Variants in KCND2 observed in about 807,000 individuals in gnomAD.
KCND2 encodes the protein potassium voltage-gated channel subfamily D member 2.
Under a neutral mutation model 54.4 loss-of-function variants are expected in KCND2, and 16 were observed. The ratio of observed to expected loss-of-function variants is 0.29; its 90% CI spans 0.20 to 0.45. The LOEUF is 0.45. KCND2 is among the 20% of genes least tolerant of loss of function. The pLI is 1.00. For missense variants in KCND2, 486 were observed against 824.2 expected (o/e 0.59, Z 5.02); for synonymous variants, 317 against 310.7 (o/e 1.02, Z -0.21).
At chr7:120,712,241 A>ATTTTTTTTTTTTTTTTTTTTTTT in intron 1 of KCND2, among the ~76,000 whole-genome samples, 1 of 34,762 alleles carries the variant, frequency 2.9e-5, no homozygotes, top group Non-Finnish European at 5.3e-5. Flanking sequence ...GGATATCTGA[A>ATTTTTTTTTTTTTTTTTTTTTTT]TTTTTTTTTT....
intron 1 of KCND2, among the ~76,000 whole-genome samples, chr7:120,444,262 A>G (rs539643965): frequency 9.9e-5 from 15 of 152,170 alleles, no homozygotes; most frequent in South Asian, 4.1e-4. Flanking sequence ...TGGAAGGACA[A>G]CACCTCCCTC....
At chr7:120,658,505 CTTGT>C (rs987054403) in intron 1 of KCND2, among the ~76,000 whole-genome samples, 4 of 152,144 alleles carry the variant, frequency 2.6e-5, no homozygotes, top group Non-Finnish European at 5.9e-5. Flanking sequence ...AAGAACCAAA[CTTGT>C]TTGTTTTCAA....
chr7:120,418,271 A>G (rs889049078), intron 1 of KCND2, among the ~76,000 whole-genome samples: 6 of 152,194 alleles, frequency 3.9e-5, no homozygotes, highest in Non-Finnish European at 5.9e-5. Flanking sequence ...TCATTGTGAT[A>G]ATGAAGAAAG....
intron 1 of KCND2, among the ~76,000 whole-genome samples, chr7:120,440,459 G>A (rs113433724): frequency 5.9e-5 from 9 of 152,082 alleles, no homozygotes; most frequent in African/African-American, 2.2e-4. Context: ...TTTGTTGATT[G>A]TTCTATTTGC....
intron 1 of KCND2, among the ~76,000 whole-genome samples, chr7:120,539,547 A>C (rs1297536909): frequency 6.6e-6 from 1 of 152,170 alleles, no homozygotes; most frequent in East Asian, 1.9e-4. Context: ...CCCTCCTGGA[A>C]TTGACAAGGT....
At chr7:120,375,611 A>G (rs1800825810) in intron 1 of KCND2, among the ~76,000 whole-genome samples, 1 of 151,834 alleles carries the variant, frequency 6.6e-6, no homozygotes, top group African/African-American at 2.4e-5. Flanking sequence ...AGATAAAAAG[A>G]TATGGTTCTT....
chr7:120,331,537 T>G (rs1032869604), intron 1 of KCND2, among the ~76,000 whole-genome samples: 2 of 152,038 alleles, frequency 1.3e-5, no homozygotes, highest in Non-Finnish European at 2.9e-5. Flanking sequence ...AACTTGTGCA[T>G]GCATTATGTT....
At chr7:120,642,782 A>G (rs1793394468) in intron 1 of KCND2, among the ~76,000 whole-genome samples, 1 of 152,168 alleles carries the variant, frequency 6.6e-6, no homozygotes, top group African/African-American at 2.4e-5. Context: ...CTATTTCTTT[A>G]TGAAGTAGAC....
chr7:120,455,579 A>G (rs1455665026), intron 1 of KCND2, among the ~76,000 whole-genome samples: 1 of 152,164 alleles, frequency 6.6e-6, no homozygotes, highest in Admixed American at 6.5e-5. Context: ...CATGGAATCA[A>G]CCTGAATTCT....
rs140279047 is a variant in KCND2, at chr7:120,474,023, C to G, written c.1115+198276C>G. Among the ~76,000 whole-genome samples, 556 of 152,302 alleles carry G rather than the reference C, an allele frequency of 3.7e-3. 3 individuals carry two copies. Among genetic ancestry groups the G allele is most frequent in the African/African-American group, 0.013 (531 of 41,566 alleles). ...GCAGTGGTGTAATTGGTAATGTGAT[C>G]TAATGGTGCGTCTTGCAGGAGCTCT... On this transcript the variant is annotated intron_variant, in intron 1 of 5. Coordinates refer to ENST00000331113, the MANE Select transcript of KCND2 (RefSeq NM_012281.3).
chr7:120,679,263 T>C (rs1179940762), intron 1 of KCND2, among the ~76,000 whole-genome samples: 1 of 152,010 alleles, frequency 6.6e-6, no homozygotes, highest in African/African-American at 2.4e-5. Context: ...TCTGCTTCTA[T>C]ATGCTATTTC....
chr7:120,355,696 T>C (rs937263212), intron 1 of KCND2, among the ~76,000 whole-genome samples: 1 of 152,274 alleles, frequency 6.6e-6, no homozygotes, highest in South Asian at 2.1e-4. Flanking sequence ...AAGTACGCTT[T>C]CCCCTGAATA....
intron 1 of KCND2, among the ~76,000 whole-genome samples, chr7:120,496,142 A>G (rs917300635): frequency 2.0e-5 from 3 of 152,166 alleles, no homozygotes; most frequent in African/African-American, 7.2e-5. Context: ...ATCCACTCTG[A>G]GTCAGAAATC....
At chr7:120,709,075 C>G (rs1229736681) in intron 1 of KCND2, among the ~76,000 whole-genome samples, 2 of 152,070 alleles carry the variant, frequency 1.3e-5, no homozygotes, top group Non-Finnish European at 2.9e-5. Flanking sequence ...TCCGTGCTAC[C>G]AAGGCTGCAT....
chr7:120,388,825 A>T (rs1801028592), intron 1 of KCND2, among the ~76,000 whole-genome samples: 2 of 151,530 alleles, frequency 1.3e-5, no homozygotes, highest in African/African-American at 4.8e-5. Context: ...GTTATATGTT[A>T]TACATAATAA....
At chr7:120,387,709 CT>C (rs1303242072) in intron 1 of KCND2, among the ~76,000 whole-genome samples, 1 of 151,990 alleles carries the variant, frequency 6.6e-6, no homozygotes, top group Non-Finnish European at 1.5e-5. Flanking sequence ...CCTCTCTTAA[CT>C]TTTTTTCTTC....
intron 1 of KCND2, among the ~76,000 whole-genome samples, chr7:120,550,461 A>C (rs1792092347): frequency 6.6e-6 from 1 of 152,164 alleles, no homozygotes; most frequent in South Asian, 2.1e-4. Flanking sequence ...ACCCACAAGA[A>C]GTGGTCAAAG....
intron 1 of KCND2, among the ~76,000 whole-genome samples, chr7:120,504,582 C>A (rs1802987386): frequency 6.6e-6 from 1 of 151,776 alleles, no homozygotes; most frequent in South Asian, 2.1e-4. Context: ...AAGAGTAGAT[C>A]ATCTTGGTGT....
At chr7:120,399,237 C>T (rs10238081) in intron 1 of KCND2, among the ~76,000 whole-genome samples, 9,244 of 151,324 alleles carry the variant, frequency 0.061, 863 homozygotes, top group African/African-American at 0.21. Flanking sequence ...GTTGTAACAG[C>T]GTATTTGGCT....
Sources: allele counts gnomAD v4.1 joint callset (sites outside exome capture counted in the v4.1 genomes callset), GRCh38; gene constraint gnomAD v4.1.1; transcripts MANE v1.5; gene names NCBI Gene and HGNC (gene_info 2026-07-23, HGNC 2026-07-21).